Variants in SLC8A1 observed in about 807,000 individuals in gnomAD.
SLC8A1 encodes sodium/calcium exchanger 1.
In SLC8A1, 18 loss-of-function variants were observed where a neutral mutation model predicts 68.3. That is an observed-to-expected ratio of 0.26 (90% CI 0.18 to 0.39). SLC8A1 has a LOEUF of 0.39. Among genes scored for constraint, SLC8A1 ranks in the 10% least tolerant of loss-of-function variants. The probability of loss-of-function intolerance (pLI) is 1.00; values close to 1 mark genes in which losing one functional copy is unlikely to be tolerated. For missense variants in SLC8A1, 985 were observed against 1,156.7 expected (o/e 0.85, Z 2.15); for synonymous variants, 475 against 415.5 (o/e 1.14, Z -1.74).
At chr2:40,416,395 G>GTCT (rs1175307185) in intron 2 of SLC8A1, among the ~76,000 whole-genome samples, 1 of 152,084 alleles carries the variant, frequency 6.6e-6, no homozygotes, top group African/African-American at 2.4e-5. Context: ...TATATTTGTT[G>GTCT]TCTTTCAAAA....
At chr2:40,203,868 CTAATTTTT>C (rs1320521428) in intron 2 of SLC8A1, among the ~76,000 whole-genome samples, 1 of 151,862 alleles carries the variant, frequency 6.6e-6, no homozygotes, top group African/African-American at 2.4e-5. Context: ...CCACACCTGG[CTAATTTTT>C]TAATTAAAAA....
chr2:40,414,634 G>A (rs915689021), intron 2 of SLC8A1, among the ~76,000 whole-genome samples: 1 of 152,038 alleles, frequency 6.6e-6, no homozygotes, highest in African/African-American at 2.4e-5. Flanking sequence ...ATGTTTAAAT[G>A]AGGACTTGTT....
intron 1 of SLC8A1, among the ~76,000 whole-genome samples, chr2:40,468,801 TGTG>T (rs1703840233): frequency 2.0e-5 from 3 of 151,970 alleles, no homozygotes; most frequent in Admixed American, 2.0e-4. Flanking sequence ...CTGGGCTGGG[TGTG>T]GTGGCTCACG....
chr2:40,343,010 A>T (rs1333285658), intron 2 of SLC8A1, among the ~76,000 whole-genome samples: 1 of 152,070 alleles, frequency 6.6e-6, no homozygotes, highest in Admixed American at 6.6e-5. Flanking sequence ...ATAAGCTTAA[A>T]CTTAAACTTT....
intron 2 of SLC8A1, among the ~76,000 whole-genome samples, chr2:40,380,179 T>C (rs1437365860): frequency 1.3e-5 from 2 of 152,170 alleles, no homozygotes; most frequent in South Asian, 4.1e-4. Flanking sequence ...AGTATCCTTG[T>C]ACTCATTTTC....
chr2:40,421,033 T>C (rs1408704297), intron 2 of SLC8A1, among the ~76,000 whole-genome samples: 2 of 151,892 alleles, frequency 1.3e-5, no homozygotes, highest in Non-Finnish European at 2.9e-5. Flanking sequence ...AGCATGAAAC[T>C]TGTTGTTTAA....
chr2:40,499,637 G>T (rs910119361), intron 1 of SLC8A1, among the ~76,000 whole-genome samples: 2 of 151,996 alleles, frequency 1.3e-5, no homozygotes, highest in African/African-American at 2.4e-5. Flanking sequence ...CAGAGTTTAT[G>T]GGGGGAGCCA....
At chr2:40,340,870 C>A (rs2149406731) in intron 2 of SLC8A1, among the ~76,000 whole-genome samples, 1 of 152,230 alleles carries the variant, frequency 6.6e-6, no homozygotes, top group African/African-American at 2.4e-5. Context: ...ATAGCACGCA[C>A]CCCTCTCTCT....
chr2:40,203,906 A>G (rs966978884), intron 2 of SLC8A1, among the ~76,000 whole-genome samples: 10 of 151,778 alleles, frequency 6.6e-5, no homozygotes, highest in Admixed American at 5.9e-4. Context: ...TGTAGAGATG[A>G]GGTTTCACTA....
chr2:40,108,880 A>C (rs761784983), exon 8 of SLC8A1: 1 of 152,152 alleles, frequency 6.6e-6, no homozygotes, highest in Admixed American at 6.6e-5. Context: ...TTGTTTTACT[A>C]TGTGGCTTCA....
intron 1 of SLC8A1, among the ~76,000 whole-genome samples, chr2:40,483,298 A>G (rs1052442421): frequency 1.3e-5 from 2 of 151,458 alleles, no homozygotes; most frequent in Admixed American, 1.3e-4. Flanking sequence ...TATATGATAA[A>G]TAATTGATGA....
At chr2:40,488,478 G>T (rs972539048) in intron 1 of SLC8A1, among the ~76,000 whole-genome samples, 1 of 151,168 alleles carries the variant, frequency 6.6e-6, no homozygotes, top group African/African-American at 2.4e-5. Context: ...GTGTGTGCAC[G>T]CATGTGTGTA....
At chr2:40,251,006 G>T (rs1454246568) in intron 2 of SLC8A1, 1 of 152,134 alleles carries the variant, frequency 6.6e-6, no homozygotes, top group African/African-American at 2.4e-5. Context: ...ACAGTCTACA[G>T]AACTCGGGAG....
intron 1 of SLC8A1, among the ~76,000 whole-genome samples, chr2:40,494,194 C>T (rs888420521): frequency 1.4e-4 from 21 of 152,048 alleles, no homozygotes; most frequent in African/African-American, 5.1e-4. Flanking sequence ...CCCTATCACT[C>T]TTGTAATTGC....
At chr2:40,458,359 G>C (rs55957030) in intron 1 of SLC8A1, among the ~76,000 whole-genome samples, 18,969 of 151,910 alleles carry the variant, frequency 0.12, 1,554 homozygotes, top group Middle Eastern at 0.22. Context: ...ATTACTATGG[G>C]GCCCCCTTCT....
At chr2:40,421,568 A>G (rs1039407735) in intron 2 of SLC8A1, among the ~76,000 whole-genome samples, 18 of 152,186 alleles carry the variant, frequency 1.2e-4, no homozygotes, top group South Asian at 2.1e-4. Context: ...ATTGCTAAGT[A>G]TACTGCAACA....
intron 2 of SLC8A1, among the ~76,000 whole-genome samples, chr2:40,299,901 C>T (rs1470001841): frequency 6.6e-6 from 1 of 152,148 alleles, no homozygotes; most frequent in East Asian, 1.9e-4. Context: ...GAAGAATCTC[C>T]CTATGAGCCT....
chr2:40,441,815 T>C (rs1486233882), intron 1 of SLC8A1, among the ~76,000 whole-genome samples: 1 of 151,886 alleles, frequency 6.6e-6, no homozygotes, highest in African/African-American at 2.4e-5. Context: ...ATAAAAACCC[T>C]AGAAGAAAAC....
intron 2 of SLC8A1, among the ~76,000 whole-genome samples, chr2:40,223,011 T>A (rs999517840): frequency 3.4e-4 from 52 of 152,182 alleles, no homozygotes; most frequent in African/African-American, 1.2e-3. Context: ...AGCAATCCCA[T>A]TACTGGTTAT....
Sources: gnomAD v4.1 joint callset for allele counts (sites outside exome capture counted in the v4.1 genomes callset) on GRCh38, gnomAD v4.1.1 for gene constraint, MANE v1.5 for transcripts, NCBI Gene and HGNC (gene_info 2026-07-23, HGNC 2026-07-21) for gene names.